IGF2BP2: variants seen among roughly 807,000 people sequenced by gnomAD.
IGF2BP2 encodes insulin like growth factor 2 mRNA binding protein 2.
IGF2BP2 carries 17 observed loss-of-function variants against 75.8 expected under a neutral mutation model. The observed-to-expected ratio is 0.22, with a 90% CI of 0.15 to 0.34. The LOEUF (loss-of-function observed/expected upper bound fraction) is 0.34, where lower values mean the gene tolerates loss of function less well. Ranked by LOEUF, IGF2BP2 falls within the 10% of genes least tolerant of loss-of-function variation. IGF2BP2 has a pLI of 1.00. For synonymous variants in IGF2BP2, 288 were observed against 295.6 expected (o/e 0.97, Z 0.26); for missense variants, 516 against 772.4 (o/e 0.67, Z 3.93).
At chr3:185,720,171 A>G (rs533418191) in intron 2 of IGF2BP2, among the ~76,000 whole-genome samples, 40 of 152,316 alleles carry the variant, frequency 2.6e-4, no homozygotes, top group African/African-American at 8.9e-4. Flanking sequence ...GCCGTGGTCT[A>G]TAAGAAAGGG....
chr3:185,796,492 G>A (rs1200700910), intron 2 of IGF2BP2, among the ~76,000 whole-genome samples: 1 of 148,426 alleles, frequency 6.7e-6, no homozygotes, highest in East Asian at 2.0e-4. Context: ...GAACTCCCGA[G>A]AGGCAGAGGT....
intron 2 of IGF2BP2, among the ~76,000 whole-genome samples, chr3:185,801,133 G>A (rs76922886): frequency 0.39 from 59,056 of 151,914 alleles, 12,392 homozygotes; most frequent in African/African-American, 0.57. Context: ...GGTCATTAAA[G>A]AAATGCAAAT....
Position 185,645,343 on chromosome 3 carries a change from T to C in IGF2BP2, c.*188A>G. 1 of 575,278 alleles carries C rather than the reference T, an allele frequency of 1.7e-6. No individual in the cohort carries two copies. The highest frequency in any genetic ancestry group is 3.1e-6 in the Non-Finnish European group (1 of 321,282). The allele number at this position is 575,278 out of a possible 1,614,324, so 35.6% of individuals were successfully genotyped here. On this transcript the variant is annotated 3_prime_UTR_variant, in exon 16 of 16. Coordinates refer to ENST00000382199, the MANE Select transcript of IGF2BP2 (RefSeq NM_006548.6). The surrounding 1 kb of genome is among the most constrained non-coding windows in gnomAD (Gnocchi z 4.9). ...GTGGTTCTGGCAAACCTGGCTGACCTTCCCCGCCCCTCCTCGGCCCCTGGG... is the reference window on the plus strand; with the variant it reads ...GTGGTTCTGGCAAACCTGGCTGACCCTCCCCGCCCCTCCTCGGCCCCTGGG...
At position 185,696,625 on chromosome 3, in the gene IGF2BP2, C is replaced by A; in HGVS notation, c.327G>T (p.Glu109Asp). 1 of 1,613,832 alleles carries A rather than the reference C, an allele frequency of 6.2e-7. No homozygotes were observed. The highest frequency in any genetic ancestry group is 8.5e-7 in the Non-Finnish European group (1 of 1,179,846). The change falls in exon 4 of 16, where the codon GAG becomes GAT. Residue 109 changes from glutamate (E) to aspartate (D), a missense_variant. By Grantham distance (45) the Glu-to-Asp change is conservative. Transcript: ENST00000382199. ...DGLLAQYGTVENVEQVNTDTE... is the reference protein window; with the variant it reads ...DGLLAQYGTVDNVEQVNTDTE... ...CTCACTTATTACCTTGTTCCACATT[C>A]TCCACTGTCCCATATTGAGCCAAAA...
At chr3:185,699,194 T>G (rs190838168) in intron 2 of IGF2BP2, among the ~76,000 whole-genome samples, 1 of 152,206 alleles carries the variant, frequency 6.6e-6, no homozygotes, top group Admixed American at 6.5e-5. Flanking sequence ...CCCAACAAGC[T>G]AAAATAATAA....
chr3:185,788,716 T>TC (rs1560471512), intron 2 of IGF2BP2, among the ~76,000 whole-genome samples: 1 of 110,874 alleles, frequency 9.0e-6, no homozygotes, highest in East Asian at 2.4e-4. Context: ...ACGACTTTTT[T>TC]TTTTTTTTTT....
chr3:185,657,604 G>A (rs1052479360), intron 11 of IGF2BP2, among the ~76,000 whole-genome samples: 2 of 152,220 alleles, frequency 1.3e-5, no homozygotes, highest in Non-Finnish European at 2.9e-5. Flanking sequence ...CTGAGCACAG[G>A]CAGCGCTAGT....
intron 2 of IGF2BP2, among the ~76,000 whole-genome samples, chr3:185,792,096 C>T (rs1255045375): frequency 6.6e-6 from 1 of 152,174 alleles, no homozygotes; most frequent in African/African-American, 2.4e-5. Context: ...TACTGAAATC[C>T]ATCTTACTAA....
In IGF2BP2 at chr3:185,645,661, GA is replaced by G; in HGVS notation, c.1708-39del. 3.3e-6 allele frequency: 5 copies of G among 1,525,866 alleles called. No homozygotes were observed. Among genetic ancestry groups the G allele is most frequent in the Admixed American group, 1.7e-5 (1 of 59,398 alleles). The allele number at this position is 1,525,866 out of a possible 1,614,324, so 94.5% of individuals were successfully genotyped here. A position where few individuals can be genotyped will look rare whatever the true frequency, so the allele number is the denominator to read the frequency against. Reference sequence around the variant, plus strand: ...AGAGAAGGGAGAGGAAGGGACAGGGGAAAAAAGGAACCCAGTTCTGAGGACA... The same window carrying G: ...AGAGAAGGGAGAGGAAGGGACAGGGGAAAAAGGAACCCAGTTCTGAGGACA... On this transcript the variant is annotated intron_variant, in intron 15 of 15. Transcript: ENST00000382199. This position sits in a 1 kb window ranked among gnomAD's most constrained non-coding sequence, Gnocchi z 4.9.
chr3:185,808,634 A>T (rs1179302224), intron 2 of IGF2BP2, among the ~76,000 whole-genome samples: 1 of 151,732 alleles, frequency 6.6e-6, no homozygotes, highest in Non-Finnish European at 1.5e-5. Context: ...ATCTCAGCTC[A>T]CTGCAATCTC....
chr3:185,804,255 CAAAAA>C (rs71164543), intron 2 of IGF2BP2, among the ~76,000 whole-genome samples: 1 of 89,506 alleles, frequency 1.1e-5, no homozygotes, highest in Non-Finnish European at 2.3e-5. Flanking sequence ...GACTACGTCT[CAAAAA>C]AAAAAAAAAA....
intron 2 of IGF2BP2, among the ~76,000 whole-genome samples, chr3:185,715,171 T>C (rs1045955157): frequency 3.3e-5 from 5 of 152,064 alleles, no homozygotes; most frequent in East Asian, 3.9e-4. Context: ...AGTGAGAGCA[T>C]AGAGGGGTCG....
intron 2 of IGF2BP2, among the ~76,000 whole-genome samples, chr3:185,803,597 A>C (rs905422873): frequency 2.6e-5 from 4 of 152,236 alleles, no homozygotes; most frequent in Admixed American, 6.5e-5. Flanking sequence ...GAAAGTAATT[A>C]AGACATCATC....
intron 8 of IGF2BP2, 98 bp downstream of exon 8, chr3:185,675,693 T>C: frequency 1.4e-6 from 2 of 1,417,340 alleles, no homozygotes; most frequent in South Asian, 2.7e-5. Context: ...CTTATGATTA[T>C]ATTCCCATTT....
intron 2 of IGF2BP2, among the ~76,000 whole-genome samples, chr3:185,705,054 G>A (rs950199750): frequency 1.3e-5 from 2 of 152,244 alleles, no homozygotes; most frequent in Admixed American, 6.5e-5. Flanking sequence ...AGTGTTATGA[G>A]CCAAATCATA....
intron 2 of IGF2BP2, among the ~76,000 whole-genome samples, chr3:185,811,845 T>A (rs1008337341): frequency 9.3e-6 from 1 of 107,834 alleles, no homozygotes; most frequent in African/African-American, 6.0e-5. Flanking sequence ...TCTCTCTCTC[T>A]CTCTCTCTCT....
chr3:185,661,632 T>C (rs1716461115), intron 10 of IGF2BP2, among the ~76,000 whole-genome samples: 3 of 117,784 alleles, frequency 2.5e-5, no homozygotes, highest in Non-Finnish European at 5.0e-5. Flanking sequence ...AACAAGACTG[T>C]CTCAAAAAAA....
chr3:185,820,321 C>T (rs1041008472), intron 2 of IGF2BP2, among the ~76,000 whole-genome samples: 1 of 151,014 alleles, frequency 6.6e-6, no homozygotes. Context: ...AAATTTCTGT[C>T]AAGGAAGTTT....
chr3:185,678,940 T>G lies in IGF2BP2; in HGVS notation c.813-3027A>C, dbSNP rs144577009. Among the ~76,000 whole-genome samples the G allele has an allele frequency of 2.6e-5, 4 of 152,342 alleles. No homozygotes were observed. The East Asian group carries it at 7.7e-4, about 29-fold the overall frequency. On this transcript the variant is annotated intron_variant, in intron 7 of 15. Transcript: ENST00000382199. ...ATTCATCTGATAATAGTATAGCTACTCCTCCTCTCTTGTGGTTACCATTTG... is the reference window on the plus strand; with the variant it reads ...ATTCATCTGATAATAGTATAGCTACGCCTCCTCTCTTGTGGTTACCATTTG...
Sources: gnomAD v4.1 joint callset for allele counts (sites outside exome capture counted in the v4.1 genomes callset) on GRCh38, gnomAD v4.1.1 for gene constraint, Gnocchi (gnomAD v3.1) non-coding constraint, MANE v1.5 for transcripts, NCBI Gene and HGNC (gene_info 2026-07-23, HGNC 2026-07-21) for gene names.